The following DACH1 variants were observed in gnomAD, a reference collection of about 807,000 sequenced individuals.
DACH1 encodes the protein dachshund homolog 1.
DACH1 carries 12 observed loss-of-function variants against 54.2 expected under a neutral mutation model. The ratio of observed to expected loss-of-function variants is 0.22; its 90% CI spans 0.14 to 0.36. The LOEUF (loss-of-function observed/expected upper bound fraction) is 0.36. Ranked by LOEUF, DACH1 falls within the 10% of genes least tolerant of loss-of-function variation. The pLI is 1.00. For missense variants in DACH1, 805 were observed against 929.8 expected (o/e 0.87, Z 1.75); for synonymous variants, 386 against 366.2 (o/e 1.05, Z -0.62).
At chr13:71,560,039 TAC>T in intron 4 of DACH1, 84 bp from the exon 5 acceptor site, 1 of 1,361,534 alleles carries the variant, frequency 7.3e-7, no homozygotes, top group South Asian at 1.6e-5. Context: ...TTTTTCTCAA[TAC>T]AATAAGAAAT....
At position 71,824,387 on chromosome 13, in the gene DACH1, A is replaced by T. The variant is rs74753357; in HGVS notation, c.848+41535T>A. Among the ~76,000 whole-genome samples the T allele has an allele frequency of 5.9e-5, 9 of 152,108 alleles. No individual in the cohort carries two copies. In the East Asian group the frequency reaches 1.4e-3, roughly 23 times the overall value. ...GAAATTAAGGAAGAGATGGAGAGGA[A>T]CTTTCCCTAATACTCTGAAAAAATG... is the stretch of plus-strand genomic sequence containing the variant. On this transcript the variant is annotated intron_variant, in intron 1 of 10. Transcript: ENST00000613252.
chr13:71,528,912 A>G (rs778571690), intron 6 of DACH1, among the ~76,000 whole-genome samples: 1 of 152,168 alleles, frequency 6.6e-6, no homozygotes, highest in Non-Finnish European at 1.5e-5. Flanking sequence ...TAGTATCATT[A>G]CTAATGGTAT....
intron 1 of DACH1, among the ~76,000 whole-genome samples, chr13:71,809,821 T>G (rs573582340): frequency 4.6e-5 from 7 of 152,262 alleles, no homozygotes; most frequent in Admixed American, 2.0e-4. Context: ...TTAACTAATA[T>G]GAAGGTCTCA....
At position 71,589,371 on chromosome 13, in the gene DACH1, A is replaced by G. The variant is rs118179711; in HGVS notation, c.1127-16359T>C. 3.9e-3 allele frequency among the ~76,000 whole-genome samples: 593 copies of G among 152,146 alleles called. 4 individuals carry two copies. The highest frequency in any genetic ancestry group is 6.6e-3 in the Non-Finnish European group (449 of 67,874). Reference sequence around the variant, plus strand: ...ACTGATTAAGAAAAGGAGAAATATTAATTGAAAAATAGTGATAATTATTAT... The same window carrying G: ...ACTGATTAAGAAAAGGAGAAATATTGATTGAAAAATAGTGATAATTATTAT... On this transcript the variant is annotated intron_variant, in intron 3 of 10. Coordinates refer to ENST00000613252, the MANE Select transcript of DACH1 (RefSeq NM_080759.6).
At chr13:71,760,766 T>G (rs1183646923) in intron 1 of DACH1, among the ~76,000 whole-genome samples, 1 of 152,200 alleles carries the variant, frequency 6.6e-6, no homozygotes, top group Non-Finnish European at 1.5e-5. Flanking sequence ...AAATTCTATG[T>G]GTCTTTTTTC....
At chr13:71,745,987 A>G (rs1044984314) in intron 1 of DACH1, among the ~76,000 whole-genome samples, 2 of 152,204 alleles carry the variant, frequency 1.3e-5, no homozygotes, top group African/African-American at 4.8e-5. Context: ...TCGGAGGCCA[A>G]CGCGGGTGGA....
chr13:71,562,126 T>C (rs1884622350), intron 4 of DACH1, among the ~76,000 whole-genome samples: 1 of 152,160 alleles, frequency 6.6e-6, no homozygotes, highest in African/African-American at 2.4e-5. Flanking sequence ...AGCTAATATG[T>C]GCTGATAGGC....
At chr13:71,623,748 T>C (rs1206781264) in intron 3 of DACH1, among the ~76,000 whole-genome samples, 2 of 151,850 alleles carry the variant, frequency 1.3e-5, no homozygotes, top group Non-Finnish European at 2.9e-5. Flanking sequence ...AGCAGTTAAG[T>C]GACTTATCTA....
chr13:71,857,040 A>G lies in DACH1; in HGVS notation c.848+8882T>C, dbSNP rs566218259. Among the ~76,000 whole-genome samples, 48 of 152,016 alleles carry G rather than the reference A, an allele frequency of 3.2e-4. 1 individual carries two copies. In the South Asian group the frequency reaches 9.3e-3, roughly 29 times the overall value. ...AGAAGCAATGAAATAAACCAATAAAAGAAAGAGAGCAAGGGCATCAAGCAC... is the reference window on the plus strand; with the variant it reads ...AGAAGCAATGAAATAAACCAATAAAGGAAAGAGAGCAAGGGCATCAAGCAC... On this transcript the variant is annotated intron_variant, in intron 1 of 10. Coordinates refer to ENST00000613252, the MANE Select transcript of DACH1 (RefSeq NM_080759.6).
rs373668221 is a variant in DACH1, at chr13:71,815,901, C to T, written c.848+50021G>A. Among the ~76,000 whole-genome samples the T allele has an allele frequency of 6.8e-4, 103 of 151,796 alleles. 1 individual carries two copies. In the South Asian group the frequency reaches 8.3e-3, roughly 12 times the overall value. On this transcript the variant is annotated intron_variant, in intron 1 of 10. Coordinates refer to ENST00000613252, the MANE Select transcript of DACH1 (RefSeq NM_080759.6). ...GAGATCGAGACCATCCTGGCTAACA[C>T]GGTGAAACCCCGTCTCTACTAAAAA... is the stretch of plus-strand genomic sequence containing the variant.
chr13:71,732,930 T>C (rs1406648114), intron 1 of DACH1, among the ~76,000 whole-genome samples: 1 of 152,174 alleles, frequency 6.6e-6, no homozygotes, highest in Non-Finnish European at 1.5e-5. Context: ...TAACATCTTC[T>C]ACCATCAATT....
At position 71,748,964 on chromosome 13, in the gene DACH1, C is replaced by CTTTCTTTCTT. The variant is rs1310558749; in HGVS notation, c.849-67055_849-67054insAAGAAAGAAA. 2.4e-3 allele frequency among the ~76,000 whole-genome samples: 62 copies of CTTTCTTTCTT among 25,580 alleles called. 1 individual carries two copies. Among genetic ancestry groups the CTTTCTTTCTT allele is most frequent in the African/African-American group, 4.7e-3 (56 of 12,036 alleles). The allele number at this position is 25,580 out of a possible 152,430, so 16.8% of individuals were successfully genotyped here. On this transcript the variant is annotated intron_variant, in intron 1 of 10. Coordinates refer to ENST00000613252, the MANE Select transcript of DACH1 (RefSeq NM_080759.6). ...TCTTTCTTTCTTTCTCTCTTTCTTT[C>CTTTCTTTCTT]TCTCTCTCTCTTTCTTCTTTCCTTT...
Position 71,767,226 on chromosome 13 carries a change from C to T in DACH1, c.849-85316G>A, listed in dbSNP as rs533173369. 1.1e-4 allele frequency among the ~76,000 whole-genome samples: 16 copies of T among 151,916 alleles called. No individual in the cohort carries two copies. The South Asian group carries it at 3.1e-3, about 30-fold the overall frequency. ...AGTTTCTACTATTATTTAAGTTATT[C>T]ATATAATTTTTGAGAAAACACTTTA... is the stretch of plus-strand genomic sequence containing the variant. On this transcript the variant is annotated intron_variant, in intron 1 of 10. Transcript: ENST00000613252.
chr13:71,446,083 A>G (rs1874432875), intron 10 of DACH1, among the ~76,000 whole-genome samples: 2 of 152,312 alleles, frequency 1.3e-5, no homozygotes, highest in African/African-American at 4.8e-5. Context: ...GATTATTGGA[A>G]TCCCTGGAGT....
chr13:71,827,908 T>C (rs1337541914), intron 1 of DACH1, among the ~76,000 whole-genome samples: 2 of 152,048 alleles, frequency 1.3e-5, no homozygotes, highest in Non-Finnish European at 1.5e-5. Flanking sequence ...AGCAACTGCA[T>C]TGTGTAGTGG....
intron 1 of DACH1, among the ~76,000 whole-genome samples, chr13:71,739,280 G>T (rs1884285037): frequency 6.6e-6 from 1 of 151,654 alleles, no homozygotes; most frequent in African/African-American, 2.4e-5. Context: ...AAAAGAAATT[G>T]GCCAATGAAA....
Position 71,866,754 on chromosome 13 carries a change from C to T in DACH1, c.16G>A (p.Ala6Thr). Residue 6 changes from alanine to threonine, a missense_variant, in exon 1 of 11, where the codon GCT becomes ACT. This residue lies in a region of DACH1 where 305 missense variants were observed against 308.7 expected (regional missense o/e 0.99). Coordinates refer to ENST00000613252, the MANE Select transcript of DACH1 (RefSeq NM_080759.6). ...ACCAGCTGGGTCGGAGGGATCAAAG[C>T]CGCCGGCACTGCCATGGTCACATAT... is the stretch of plus-strand genomic sequence containing the variant. MAVPA[A>T]LIPPTQLVPP... 3 of 1,384,230 alleles carry T rather than the reference C, an allele frequency of 2.2e-6. No individual in the cohort carries two copies. The highest frequency in any genetic ancestry group is 2.8e-6 in the Non-Finnish European group (3 of 1,060,524). 85.7% of individuals were successfully genotyped at this position (1,384,230 alleles called of 1,614,324 possible). A position where few individuals can be genotyped will look rare whatever the true frequency, so the allele number is the denominator to read the frequency against.
In DACH1 at chr13:71,439,455, A is replaced by G. The variant is rs1320010473; in HGVS notation, c.*1200T>C. 6.6e-6 allele frequency: 1 copy of G among 152,458 alleles called. No homozygotes were observed. Among genetic ancestry groups the G allele is most frequent in the African/African-American group, 2.4e-5 (1 of 41,448 alleles). The allele number at this position is 152,458 out of a possible 1,614,324, so 9.4% of individuals were successfully genotyped here. On this transcript the variant is annotated 3_prime_UTR_variant, in exon 11 of 11. Transcript: ENST00000613252. ...TTTTAACTTTATCACTCAGCGCTAC[A>G]TGGTATTGGACTGGTACATCAAGGT...
At chr13:71,697,758 T>G (rs1026000439) in intron 1 of DACH1, among the ~76,000 whole-genome samples, 1 of 152,214 alleles carries the variant, frequency 6.6e-6, no homozygotes, top group African/African-American at 2.4e-5. Context: ...AGATTCTTTC[T>G]TATATATTCA....
Sources: allele counts gnomAD v4.1 joint callset (sites outside exome capture counted in the v4.1 genomes callset), GRCh38; gene constraint gnomAD v4.1.1; regional missense constraint gnomAD v4.1.1; transcripts MANE v1.5; gene names NCBI Gene and HGNC (gene_info 2026-07-23, HGNC 2026-07-21).